The following GARIN1B variants were observed in gnomAD, a reference collection of about 807,000 sequenced individuals.
The protein encoded by GARIN1B is Golgi-associated RAB2 interactor protein 1B.
chr7:128,720,930 G>T, the GARIN1B span, among the ~76,000 whole-genome samples: 1 of 151,932 alleles, frequency 6.6e-6, no homozygotes, highest in Admixed American at 6.6e-5. Context: ...TTCAAACTGT[G>T]TTGGCTATTC....
the GARIN1B span, chr7:128,715,141 C>T: frequency 7.8e-6 from 4 of 515,682 alleles, no homozygotes; most frequent in Non-Finnish European, 1.0e-5. Context: ...GACAGCCCTC[C>T]TTGCTTGCTT....
the GARIN1B span, among the ~76,000 whole-genome samples, chr7:128,713,152 C>G: frequency 6.6e-6 from 1 of 151,986 alleles, no homozygotes; most frequent in Non-Finnish European, 1.5e-5. Context: ...ACTAAAAATA[C>G]AAAAATTAGC....
the GARIN1B span, among the ~76,000 whole-genome samples, chr7:128,716,038 G>T: frequency 1.5e-4 from 22 of 151,650 alleles, no homozygotes; most frequent in Non-Finnish European, 3.2e-4. Flanking sequence ...CAATAATGCG[G>T]ATTGGCGAAA....
chr7:128,716,434 C>T, the GARIN1B span, among the ~76,000 whole-genome samples: 1 of 152,106 alleles, frequency 6.6e-6, no homozygotes, highest in African/African-American at 2.4e-5. Flanking sequence ...TGACAGATGG[C>T]AGGGAACTCC....
At chr7:128,726,809 G>C in the GARIN1B span, 4 of 1,613,380 alleles carry the variant, frequency 2.5e-6, no homozygotes, top group Non-Finnish European at 3.4e-6. Flanking sequence ...TCATTTCCTT[G>C]ATCCTGAAAT....
the GARIN1B span, among the ~76,000 whole-genome samples, chr7:128,710,358 C>CT: frequency 1.3e-5 from 2 of 152,128 alleles, no homozygotes; most frequent in South Asian, 4.1e-4. Context: ...TAAATCAGGA[C>CT]TTTTTTTGGT....
the GARIN1B span, chr7:128,726,933 A>G: frequency 2.0e-6 from 3 of 1,467,622 alleles, no homozygotes; most frequent in Non-Finnish European, 2.9e-6. Flanking sequence ...TAAGAATAAG[A>G]TCCCCTCCAG....
At chr7:128,721,406 G>T in the GARIN1B span, among the ~76,000 whole-genome samples, 1 of 152,024 alleles carries the variant, frequency 6.6e-6, no homozygotes, top group African/African-American at 2.4e-5. Context: ...TTTCATTTTT[G>T]GGTCATTCAT....
chr7:128,721,501 A>G, the GARIN1B span, among the ~76,000 whole-genome samples: 1 of 151,242 alleles, frequency 6.6e-6, no homozygotes, highest in Non-Finnish European at 1.5e-5. Flanking sequence ...GGGATCTTCT[A>G]CATACACACA....
the GARIN1B span, chr7:128,715,444 G>A: frequency 6.2e-7 from 1 of 1,613,940 alleles, no homozygotes; most frequent in Non-Finnish European, 8.5e-7. Flanking sequence ...GTGTAGAAAT[G>A]TTGTCATCAT....
At chr7:128,719,836 A>G in the GARIN1B span, among the ~76,000 whole-genome samples, 1 of 151,146 alleles carries the variant, frequency 6.6e-6, no homozygotes, top group East Asian at 2.0e-4. Context: ...AGTAGCTGGC[A>G]TTACAGGCAC....
the GARIN1B span, chr7:128,717,144 G>T: frequency 1.3e-6 from 1 of 752,938 alleles, no homozygotes; most frequent in African/African-American, 1.8e-5. Context: ...TCCTAAGACA[G>T]GTGTTGCACT....
chr7:128,709,572 T>C, the GARIN1B span, among the ~76,000 whole-genome samples: 1 of 152,318 alleles, frequency 6.6e-6, no homozygotes, highest in African/African-American at 2.4e-5. Context: ...TCCTATGCCA[T>C]CTAAACTTGC....
chr7:128,730,318 A>G, the GARIN1B span, among the ~76,000 whole-genome samples: 8 of 152,126 alleles, frequency 5.3e-5, no homozygotes, highest in Non-Finnish European at 1.0e-4. Flanking sequence ...CTCTTGCTGT[A>G]TGGGAGGTGT....
the GARIN1B span, chr7:128,726,806 C>T: frequency 1.2e-6 from 2 of 1,613,364 alleles, no homozygotes. Context: ...CTTTCATTTC[C>T]TTGATCCTGA....
the GARIN1B span, among the ~76,000 whole-genome samples, chr7:128,728,031 G>A: frequency 6.6e-6 from 1 of 152,186 alleles, no homozygotes. Flanking sequence ...TGGCTCAGTA[G>A]GCAGCCAAAA....
chr7:128,715,624 G>A, the GARIN1B span: 6 of 1,614,006 alleles, frequency 3.7e-6, no homozygotes, highest in Admixed American at 5.0e-5. Context: ...TGCTCTGCCG[G>A]GTGGTTCATT....
chr7:128,715,450 A>G, the GARIN1B span: 1 of 1,614,066 alleles, frequency 6.2e-7, no homozygotes, highest in Non-Finnish European at 8.5e-7. Flanking sequence ...AAATGTTGTC[A>G]TCATTTCCAC....
At chr7:128,711,513 A>G in the GARIN1B span, among the ~76,000 whole-genome samples, 1,090 of 152,298 alleles carry the variant, frequency 7.2e-3, 18 homozygotes, top group Non-Finnish European at 6.3e-3. Flanking sequence ...AATTTTGGTT[A>G]ATTGGAGAAA....
Sources: gnomAD v4.1 joint callset for allele counts (sites outside exome capture counted in the v4.1 genomes callset) on GRCh38, gnomAD v4.1.1 for gene constraint, MANE v1.5 for transcripts, NCBI Gene and HGNC (gene_info 2026-07-23, HGNC 2026-07-21) for gene names.